The following PRELID2 variants were observed in gnomAD, a reference collection of about 807,000 sequenced individuals.
PRELID2 encodes PRELI domain-containing protein 2.
In PRELID2, 25 loss-of-function variants were observed where a neutral mutation model predicts 28.4. The ratio of observed to expected loss-of-function variants is 0.88; its 90% CI spans 0.64 to 1.23. PRELID2 has a LOEUF of 1.23. PRELID2 is among the 50% of genes most tolerant of loss of function. The probability of loss-of-function intolerance (pLI) is 0.00; values close to 1 mark genes in which losing one functional copy is unlikely to be tolerated. For missense variants in PRELID2, 201 were observed against 214.4 expected (o/e 0.94, Z 0.39); for synonymous variants, 76 against 71.6 (o/e 1.06, Z -0.31).
At chr5:145,550,125 C>G (rs1035010208) in intron 1 of PRELID2, among the ~76,000 whole-genome samples, 1 of 151,922 alleles carries the variant, frequency 6.6e-6, no homozygotes, top group Admixed American at 6.6e-5. Context: ...ATAATGGGAG[C>G]CAAATTACTG....
At chr5:145,312,511 C>T in the PRELID2 span, among the ~76,000 whole-genome samples, 3 of 152,178 alleles carry the variant, frequency 2.0e-5, no homozygotes, top group Non-Finnish European at 4.4e-5. Flanking sequence ...TCTCTATCTC[C>T]TTTACTCTCA....
At chr5:145,765,250 T>A (rs1040971275) in intron 5 of PRELID2, among the ~76,000 whole-genome samples, 4 of 152,162 alleles carry the variant, frequency 2.6e-5, no homozygotes, top group African/African-American at 9.7e-5. Context: ...ATTTTAAACA[T>A]AAGAAAACAA....
chr5:145,713,893 T>G (rs1005392897), intron 1 of PRELID2, among the ~76,000 whole-genome samples: 1 of 151,564 alleles, frequency 6.6e-6, no homozygotes, highest in Non-Finnish European at 1.5e-5. Context: ...CCTGTCTATA[T>G]TCAGTGAAAT....
At chr5:145,492,231 G>A (rs1752275955) in intron 1 of PRELID2, among the ~76,000 whole-genome samples, 1 of 152,110 alleles carries the variant, frequency 6.6e-6, no homozygotes, top group Non-Finnish European at 1.5e-5. Flanking sequence ...AAGATGTGAG[G>A]TGGTATCTCA....
chr5:145,633,869 A>T (rs1753965914), intron 1 of PRELID2, among the ~76,000 whole-genome samples: 1 of 152,178 alleles, frequency 6.6e-6, no homozygotes, highest in Admixed American at 6.5e-5. Context: ...ATACTTCCTG[A>T]TGTCCAGCAA....
intron 1 of PRELID2, among the ~76,000 whole-genome samples, chr5:145,529,302 T>C (rs993269575): frequency 6.6e-6 from 1 of 152,158 alleles, no homozygotes; most frequent in Non-Finnish European, 1.5e-5. Context: ...AGTTCTAAAG[T>C]CTTTCTCTAA....
intron 1 of PRELID2, among the ~76,000 whole-genome samples, chr5:145,535,904 T>G (rs1752693978): frequency 6.6e-6 from 1 of 151,980 alleles, no homozygotes; most frequent in African/African-American, 2.4e-5. Context: ...CTGTATGGTA[T>G]TTAAAGGTTG....
the PRELID2 span, among the ~76,000 whole-genome samples, chr5:145,233,246 T>G: frequency 6.6e-6 from 1 of 152,104 alleles, no homozygotes; most frequent in African/African-American, 2.4e-5. Flanking sequence ...CTATTTCCAC[T>G]AAAATGAAGA....
At chr5:145,389,582 C>T in the PRELID2 span, among the ~76,000 whole-genome samples, 1 of 152,098 alleles carries the variant, frequency 6.6e-6, no homozygotes, top group Non-Finnish European at 1.5e-5. Flanking sequence ...TAAGTGGTAA[C>T]AACTCTATTT....
intron 1 of PRELID2, 58 bp downstream of exon 1, chr5:145,835,119 A>G (rs531714746): frequency 2.5e-6 from 3 of 1,197,292 alleles, no homozygotes; most frequent in Middle Eastern, 2.1e-4. Context: ...GAAGGAGAGG[A>G]GAGAGGGGCA....
chr5:145,309,064 A>G, the PRELID2 span, among the ~76,000 whole-genome samples: 22 of 149,372 alleles, frequency 1.5e-4, no homozygotes, highest in Non-Finnish European at 3.0e-4. Flanking sequence ...TTACATTTTG[A>G]CACATTAAAA....
chr5:145,230,553 T>C, the PRELID2 span, among the ~76,000 whole-genome samples: 3 of 151,884 alleles, frequency 2.0e-5, no homozygotes, highest in East Asian at 3.9e-4. Flanking sequence ...CACTCCAGCC[T>C]GGGCAACAGA....
chr5:145,274,393 G>A, the PRELID2 span, among the ~76,000 whole-genome samples: 5 of 152,224 alleles, frequency 3.3e-5, no homozygotes, highest in Admixed American at 2.6e-4. Context: ...TTTCTAGAGC[G>A]ACATTATGCA....
At chr5:145,655,786 C>T (rs1754382875) in intron 1 of PRELID2, among the ~76,000 whole-genome samples, 1 of 152,180 alleles carries the variant, frequency 6.6e-6, no homozygotes, top group African/African-American at 2.4e-5. Context: ...AGACCTAAAA[C>T]CATAAAAACC....
the PRELID2 span, among the ~76,000 whole-genome samples, chr5:145,466,779 C>G: frequency 7.9e-5 from 12 of 152,154 alleles, no homozygotes; most frequent in East Asian, 1.9e-4. Context: ...AAGTCCAATA[C>G]TTATTTCAGG....
chr5:145,603,656 T>G (rs1252511173), intron 1 of PRELID2, among the ~76,000 whole-genome samples: 2 of 152,086 alleles, frequency 1.3e-5, no homozygotes, highest in Admixed American at 1.3e-4. Flanking sequence ...CAGGAATGCT[T>G]AAATAAGTAT....
intron 1 of PRELID2, among the ~76,000 whole-genome samples, chr5:145,586,208 T>C (rs1049373084): frequency 6.6e-6 from 1 of 152,070 alleles, no homozygotes; most frequent in Non-Finnish European, 1.5e-5. Flanking sequence ...CGAATTCCCC[T>C]GCCAGAAATG....
chr5:145,412,316 C>A, the PRELID2 span, among the ~76,000 whole-genome samples: 1 of 152,148 alleles, frequency 6.6e-6, no homozygotes, highest in Non-Finnish European at 1.5e-5. Flanking sequence ...TTACCAGATA[C>A]CCTAAATCAT....
At chr5:145,822,098 C>T (rs965421684) in intron 2 of PRELID2, among the ~76,000 whole-genome samples, 1 of 152,148 alleles carries the variant, frequency 6.6e-6, no homozygotes, top group Non-Finnish European at 1.5e-5. Flanking sequence ...CAGAGTCACA[C>T]ACAATGAACA....
Sources: gnomAD v4.1 joint callset for allele counts (sites outside exome capture counted in the v4.1 genomes callset) on GRCh38, gnomAD v4.1.1 for gene constraint, MANE v1.5 for transcripts, NCBI Gene and HGNC (gene_info 2026-07-23, HGNC 2026-07-21) for gene names.